PTPRD: variants seen among roughly 807,000 people sequenced by gnomAD.
PTPRD encodes the protein receptor-type tyrosine-protein phosphatase delta.
Under a neutral mutation model 214.5 loss-of-function variants are expected in PTPRD, and 34 were observed. That is an observed-to-expected ratio of 0.16 (90% CI 0.12 to 0.21). PTPRD has a LOEUF of 0.21. PTPRD is among the 10% of genes least tolerant of loss of function. The pLI, the probability that PTPRD is intolerant of heterozygous loss-of-function variation, is 1.00. For synonymous variants in PTPRD, 1,128 were observed against 845.7 expected (o/e 1.33, Z -5.79); for missense variants, 2,545 against 2,398.7 (o/e 1.06, Z -1.27).
intron 8 of PTPRD, among the ~76,000 whole-genome samples, chr9:9,479,354 C>CACACACACACAA (rs1349737955): frequency 9.5e-5 from 14 of 147,472 alleles, no homozygotes; most frequent in Non-Finnish European, 1.9e-4. Context: ...GATGCACACA[C>CACACACACACAA]ACACACACAC....
At chr9:10,417,570 G>C (rs757780637) in intron 2 of PTPRD, among the ~76,000 whole-genome samples, 1 of 151,570 alleles carries the variant, frequency 6.6e-6, no homozygotes, top group Admixed American at 6.6e-5. Flanking sequence ...AATAAGCATG[G>C]TAATATTTAT....
chr9:8,747,102 A>G (rs1042694765), intron 11 of PTPRD, among the ~76,000 whole-genome samples: 2 of 152,174 alleles, frequency 1.3e-5, no homozygotes, highest in African/African-American at 4.8e-5. Flanking sequence ...TGTACCTAAC[A>G]ATGTTTCCAT....
At chr9:9,758,403 G>C in intron 6 of PTPRD, among the ~76,000 whole-genome samples, 1 of 152,042 alleles carries the variant, frequency 6.6e-6, no homozygotes, top group South Asian at 2.1e-4. Context: ...GCTGATGAGG[G>C]GTAGGGATGG....
At chr9:8,932,971 T>C (rs1478209158) in intron 11 of PTPRD, among the ~76,000 whole-genome samples, 6 of 152,146 alleles carry the variant, frequency 3.9e-5, no homozygotes. Context: ...CCCAGTTTTG[T>C]GCTTGAAACC....
intron 3 of PTPRD, among the ~76,000 whole-genome samples, chr9:10,180,510 G>C (rs2099275931): frequency 6.7e-6 from 1 of 148,998 alleles, no homozygotes; most frequent in Non-Finnish European, 1.5e-5. Context: ...TCTCAAGAGA[G>C]TCCATCTAAT....
Position 8,404,590 on chromosome 9 carries a change from T to A in PTPRD, c.4157A>T (p.Tyr1386Phe). The part of the protein sequence containing the change: ...NLEVNKPKNR[Y>F]ANVIAYDHSR... ...ATGATCATATGCGATTACATTCGCGTATCTATTCTTTGGTTTGTTTACTTC... is the reference window on the plus strand; with the variant it reads ...ATGATCATATGCGATTACATTCGCGAATCTATTCTTTGGTTTGTTTACTTC... The change falls in exon 36 of 46, where the codon TAC becomes TTC. Residue 1386 changes from tyrosine (Y) to phenylalanine (F), a missense_variant. By Grantham distance (22) the Tyr-to-Phe change is conservative (BLOSUM62 3). Coordinates refer to ENST00000381196, the MANE Select transcript of PTPRD (RefSeq NM_002839.4). 6.2e-7 allele frequency: 1 copy of A among 1,613,718 alleles called. No individual in the cohort carries two copies. The highest frequency in any genetic ancestry group is 8.5e-7 in the Non-Finnish European group (1 of 1,179,694).
intron 3 of PTPRD, among the ~76,000 whole-genome samples, chr9:10,324,455 A>G (rs1415090817): frequency 6.6e-6 from 1 of 152,050 alleles, no homozygotes; most frequent in African/African-American, 2.4e-5. Flanking sequence ...TTCAAAGACA[A>G]GTTATATGGC....
chr9:10,202,049 A>G (rs1160690809), intron 3 of PTPRD, among the ~76,000 whole-genome samples: 2 of 152,110 alleles, frequency 1.3e-5, no homozygotes, highest in Non-Finnish European at 2.9e-5. Flanking sequence ...AAGAACAGTG[A>G]GAAAACTGTA....
intron 8 of PTPRD, among the ~76,000 whole-genome samples, chr9:9,456,982 T>A (rs1389166023): frequency 2.1e-5 from 3 of 144,348 alleles, no homozygotes; most frequent in Non-Finnish European, 4.4e-5. Flanking sequence ...GTAACAGGCA[T>A]GACAAGTTTG....
At chr9:10,584,872 T>C (rs557668264) in intron 2 of PTPRD, among the ~76,000 whole-genome samples, 1 of 152,310 alleles carries the variant, frequency 6.6e-6, no homozygotes, top group East Asian at 1.9e-4. Context: ...GAACCAGAAA[T>C]TTGATCCCAT....
At chr9:10,416,730 C>T (rs187779013) in intron 2 of PTPRD, among the ~76,000 whole-genome samples, 23 of 151,710 alleles carry the variant, frequency 1.5e-4, no homozygotes, top group Middle Eastern at 6.8e-3. Context: ...TTAAGAGTAT[C>T]TCTGTGGAGA....
At chr9:9,745,445 C>A (rs1042711101) in intron 6 of PTPRD, among the ~76,000 whole-genome samples, 1 of 152,208 alleles carries the variant, frequency 6.6e-6, no homozygotes, top group East Asian at 1.9e-4. Flanking sequence ...CAAAATGACT[C>A]AGACTATGAA....
intron 39 of PTPRD, among the ~76,000 whole-genome samples, chr9:8,349,136 C>G (rs1320748444): frequency 3.3e-5 from 5 of 152,106 alleles, no homozygotes; most frequent in African/African-American, 9.7e-5. Context: ...AAGCCCCCAG[C>G]ATGGGAAAAT....
At chr9:9,639,707 C>T (rs1258641184) in intron 7 of PTPRD, among the ~76,000 whole-genome samples, 4 of 152,056 alleles carry the variant, frequency 2.6e-5, no homozygotes, top group African/African-American at 4.8e-5. Flanking sequence ...GATCTGGTAT[C>T]GTTGATACAC....
At chr9:9,525,412 C>A (rs945429917) in intron 8 of PTPRD, among the ~76,000 whole-genome samples, 1 of 151,992 alleles carries the variant, frequency 6.6e-6, no homozygotes, top group Non-Finnish European at 1.5e-5. Context: ...GTTCCTTTTA[C>A]ATAAAGTAAA....
At chr9:9,849,068 C>G (rs112235349) in intron 5 of PTPRD, among the ~76,000 whole-genome samples, 13 of 151,538 alleles carry the variant, frequency 8.6e-5, no homozygotes, top group African/African-American at 2.2e-4. Context: ...TAGACACACC[C>G]TGTTTTACCC....
chr9:9,858,945 G>A (rs985537753), intron 5 of PTPRD, among the ~76,000 whole-genome samples: 1 of 152,116 alleles, frequency 6.6e-6, no homozygotes, highest in African/African-American at 2.4e-5. Flanking sequence ...ATACTGATAC[G>A]GTTTGGCTCT....
intron 9 of PTPRD, among the ~76,000 whole-genome samples, chr9:9,371,164 AT>A (rs2059386375): frequency 6.6e-6 from 1 of 151,980 alleles, no homozygotes; most frequent in South Asian, 2.1e-4. Flanking sequence ...TTTTCCATTA[AT>A]TGTAATAGTT....
At chr9:10,431,416 A>G (rs2098677185) in intron 2 of PTPRD, among the ~76,000 whole-genome samples, 1 of 152,070 alleles carries the variant, frequency 6.6e-6, no homozygotes, top group Non-Finnish European at 1.5e-5. Context: ...AATGGCAACA[A>G]AAGACAAAAT....
Sources: gnomAD v4.1 joint callset for allele counts (sites outside exome capture counted in the v4.1 genomes callset) on GRCh38, gnomAD v4.1.1 for gene constraint, MANE v1.5 for transcripts, NCBI Gene and HGNC (gene_info 2026-07-23, HGNC 2026-07-21) for gene names.